GPAM: variants seen among roughly 807,000 people sequenced by gnomAD.
GPAM encodes glycerol-3-phosphate acyltransferase 1, mitochondrial.
In GPAM, 56 loss-of-function variants were observed where a neutral mutation model predicts 105.0. The observed-to-expected ratio is 0.53, with a 90% CI of 0.43 to 0.67. The LOEUF is 0.67. Among genes scored for constraint, GPAM ranks in the 30% least tolerant of loss-of-function variants. The pLI, the probability that GPAM is intolerant of heterozygous loss-of-function variation, is 0.00. For synonymous variants in GPAM, 368 were observed against 354.4 expected (o/e 1.04, Z -0.43); for missense variants, 855 against 989.8 (o/e 0.86, Z 1.83).
chr10:112,161,241 T>C (rs1407414039), intron 15 of GPAM, among the ~76,000 whole-genome samples: 1 of 152,224 alleles, frequency 6.6e-6, no homozygotes, highest in Non-Finnish European at 1.5e-5. Context: ...ATATTGGCAC[T>C]GTTTGGTGTT....
In GPAM at chr10:112,178,063, TA is replaced by T; in HGVS notation, c.226-7del. On this transcript the variant is annotated splice_polypyrimidine_tract_variant and splice_region_variant and intron_variant, in intron 4 of 21. Coordinates refer to ENST00000348367, the MANE Select transcript of GPAM (RefSeq NM_001244949.2). ...CTGGGGTTGAAAAATTTGTCCTATA[TA>T]AAACAAAGTAAATGTAGACATAAAT... The T allele has an allele frequency of 6.7e-7, 1 of 1,482,304 alleles. No individual in the cohort carries two copies. The highest frequency in any genetic ancestry group is 9.4e-7 in the Non-Finnish European group (1 of 1,060,202). 91.8% of individuals were successfully genotyped at this position (1,482,304 alleles called of 1,614,324 possible). A position where few individuals can be genotyped will look rare whatever the true frequency, so the allele number is the denominator to read the frequency against.
At chr10:112,216,229 T>C (rs1311503008), upstream of GPAM, among the ~76,000 whole-genome samples, 5 of 152,226 alleles carry the variant, frequency 3.3e-5, no homozygotes, top group East Asian at 7.7e-4. Flanking sequence ...GGAACCCTCT[T>C]ATTAGGTAAA....
chr10:112,204,267 T>C (rs1434813201), intron 1 of GPAM, among the ~76,000 whole-genome samples: 2 of 151,526 alleles, frequency 1.3e-5, no homozygotes, highest in East Asian at 3.9e-4. Context: ...TTTTTTTTTT[T>C]TTTTTGATAG....
intron 1 of GPAM, among the ~76,000 whole-genome samples, chr10:112,213,756 C>T (rs564438359): frequency 2.6e-5 from 4 of 152,210 alleles, no homozygotes; most frequent in South Asian, 4.2e-4. Context: ...TGATAAGGTT[C>T]GACCATGGTG....
In GPAM at chr10:112,155,539, A is replaced by G. The variant is rs117991514; in HGVS notation, c.2311+325T>C. 4.0e-3 allele frequency: 1,204 copies of G among 302,118 alleles called. 8 individuals carry two copies. Among genetic ancestry groups the G allele is most frequent in the Non-Finnish European group, 5.7e-3 (916 of 159,482 alleles). 18.7% of individuals were successfully genotyped at this position (302,118 alleles called of 1,614,324 possible). A position where few individuals can be genotyped will look rare whatever the true frequency, so the allele number is the denominator to read the frequency against. ...ACTGTTCAAAGCAGCTGTGAACTGA[A>G]AACAACCCAAATATCCATCAACAGC... On this transcript the variant is annotated intron_variant, in intron 20 of 21. Transcript: ENST00000348367.
In GPAM at chr10:112,153,444, G is replaced by A. The variant is rs543418172; in HGVS notation, c.*106C>T. ...TCTTCCAGGAGATCACTTCGGGACA[G>A]GGCAGGCCTGACCCTGCGATGGCAC... On this transcript the variant is annotated 3_prime_UTR_variant, in exon 22 of 22. Coordinates refer to ENST00000348367, the MANE Select transcript of GPAM (RefSeq NM_001244949.2). 244 of 1,600,532 alleles carry A rather than the reference G, an allele frequency of 1.5e-4. No homozygotes were observed. In the African/African-American group the frequency reaches 3.1e-3, roughly 20 times the overall value.
upstream of GPAM, among the ~76,000 whole-genome samples, chr10:112,218,232 G>A (rs1285271504): frequency 6.6e-6 from 1 of 152,230 alleles, no homozygotes; most frequent in South Asian, 2.1e-4. Context: ...TGCAGATGGG[G>A]TAGGACTGGC....
In GPAM at chr10:112,155,936, G is replaced by T; in HGVS notation, c.2239C>A (p.Pro747Thr). ...IFVHNFSGPV[P>T]EPEYLQKLHK... ...AACTTTTGCAGATACTCAGGTTCTG[G>T]AACAGGACCACTGAAGTTGTGAACA... Residue 747 changes from proline to threonine, a missense_variant, in exon 20 of 22, where the codon CCA (proline) becomes ACA (threonine). Pro to Thr is a conservative substitution (Grantham distance 38, BLOSUM62 -1). Coordinates refer to ENST00000348367, the MANE Select transcript of GPAM (RefSeq NM_001244949.2). 1 of 1,610,936 alleles carries T rather than the reference G, an allele frequency of 6.2e-7. No individual in the cohort carries two copies. Among genetic ancestry groups the T allele is most frequent in the Non-Finnish European group, 8.5e-7 (1 of 1,177,172 alleles).
chr10:112,202,343 A>T (rs1295179173), intron 1 of GPAM, among the ~76,000 whole-genome samples: 1 of 152,198 alleles, frequency 6.6e-6, no homozygotes, highest in Non-Finnish European at 1.5e-5. Context: ...CCATTAAGTC[A>T]TTGTTCTATA....
At chr10:112,216,822 C>T (rs1429060295), upstream of GPAM, among the ~76,000 whole-genome samples, 1 of 151,812 alleles carries the variant, frequency 6.6e-6, no homozygotes, top group African/African-American at 2.4e-5. Flanking sequence ...CGGGGTTTTA[C>T]CATGTTGGCC....
In GPAM at chr10:112,158,344, A is replaced by G. The variant is rs1210956928; in HGVS notation, c.1952T>C (p.Ile651Thr). ...TGCCACTGTAAGAATGCCATACTGG[A>G]TAAACTTTCCTACTGTTTCATGGCA... ...QVCHETVGKF[I>T]QYGILTVAEH... The change falls in exon 18 of 22, where the codon ATC (isoleucine) becomes ACC (threonine). Residue 651 changes from isoleucine to threonine, a missense_variant. By Grantham distance (89) the Ile-to-Thr change is moderately conservative. Coordinates refer to ENST00000348367, the MANE Select transcript of GPAM (RefSeq NM_001244949.2). 6.2e-7 allele frequency: 1 copy of G among 1,604,110 alleles called. No individual in the cohort carries two copies. The highest frequency in any genetic ancestry group is 2.2e-5 in the East Asian group (1 of 44,826).
chr10:112,219,377 G>C (rs1589616608), upstream of GPAM, among the ~76,000 whole-genome samples: 1 of 152,196 alleles, frequency 6.6e-6, no homozygotes, highest in Non-Finnish European at 1.5e-5. Flanking sequence ...GAGTGGGGAT[G>C]ACGGAAAGGA....
chr10:112,159,842 CG>C (rs1261903731), intron 17 of GPAM, 68 bp downstream of exon 17: 2 of 1,471,994 alleles, frequency 1.4e-6, no homozygotes, highest in African/African-American at 1.4e-5. Flanking sequence ...CAGAAAAACA[CG>C]GGGGGTTACG....
At chr10:112,174,252 T>A (rs1847364838) in intron 6 of GPAM, among the ~76,000 whole-genome samples, 1 of 152,234 alleles carries the variant, frequency 6.6e-6, no homozygotes, top group African/African-American at 2.4e-5. Context: ...TTTTGAAGAC[T>A]TAATTTACTT....
In GPAM at chr10:112,189,435, T is replaced by A. The variant is rs995178538; in HGVS notation, n.211-6544A>T. Reference sequence around the variant, plus strand: ...TTTCAAAAAGTTTCAAAAATCAGCATCAAGTTCATTGACTTGTGGCTTCCA... The same window carrying A: ...TTTCAAAAAGTTTCAAAAATCAGCAACAAGTTCATTGACTTGTGGCTTCCA... On this transcript the variant is annotated intron_variant and non_coding_transcript_variant, in intron 1 of 3. Coordinates refer to the GPAM transcript ENST00000480130. 7.2e-5 allele frequency among the ~76,000 whole-genome samples: 11 copies of A among 152,334 alleles called. 1 individual carries two copies. The highest frequency in any genetic ancestry group is 3.9e-4 in the Admixed American group (6 of 15,312).
intron 4 of GPAM, among the ~76,000 whole-genome samples, chr10:112,179,855 CCTT>C (rs954149121): frequency 7.2e-5 from 11 of 152,298 alleles, no homozygotes; most frequent in African/African-American, 2.4e-4. Context: ...GCTAATTTGT[CCTT>C]CTCTTCAACT....
Position 112,154,671 on chromosome 10 carries a change from A to G in GPAM, c.2328T>C (p.Tyr776=). The change falls in exon 21 of 22, where the codon TAT becomes TAC. Residue 776 remains tyrosine (Y), a synonymous_variant. Transcript: ENST00000348367. ...NVAVYAESAT[Y]CLVKNAVKMF... ...TTTTCACAGCATTCTTCACAAGACAATATGTGGCACTCTCAGCTGAAGAGA... is the reference window on the plus strand; with the variant it reads ...TTTTCACAGCATTCTTCACAAGACAGTATGTGGCACTCTCAGCTGAAGAGA... 6.2e-7 allele frequency: 1 copy of G among 1,608,422 alleles called. No individual in the cohort carries two copies. Among genetic ancestry groups the G allele is most frequent in the Non-Finnish European group, 8.5e-7 (1 of 1,174,860 alleles).
chr10:112,160,576 A>G, intron 16 of GPAM, 28 bp downstream of exon 16: 1 of 1,597,478 alleles, frequency 6.3e-7, no homozygotes, highest in Non-Finnish European at 8.6e-7. Flanking sequence ...CATGAAAATT[A>G]CTGAAAATAT....
At chr10:112,164,005 T>C (rs1847171195) in intron 13 of GPAM, among the ~76,000 whole-genome samples, 189 bp from the exon 14 acceptor site, 1 of 152,220 alleles carries the variant, frequency 6.6e-6, no homozygotes, top group African/African-American at 2.4e-5. Flanking sequence ...AAACATGTTA[T>C]TTAGTTATGA....
Sources: gnomAD v4.1 joint callset for allele counts (sites outside exome capture counted in the v4.1 genomes callset) on GRCh38, gnomAD v4.1.1 for gene constraint, MANE v1.5 for transcripts, NCBI Gene and HGNC (gene_info 2026-07-23, HGNC 2026-07-21) for gene names.